The following FBXW7 variants were observed in gnomAD, a reference collection of about 807,000 sequenced individuals.
The protein encoded by FBXW7 is F-box/WD repeat-containing protein 7.
A neutral mutation model predicts 86.3 loss-of-function variants in FBXW7; 11 were observed. The ratio of observed to expected loss-of-function variants is 0.13; its 90% CI spans 0.08 to 0.21. The LOEUF (loss-of-function observed/expected upper bound fraction) is 0.21. Among genes scored for constraint, FBXW7 ranks in the 10% least tolerant of loss-of-function variants. FBXW7 has a pLI of 1.00. For synonymous variants in FBXW7, 313 were observed against 297.9 expected (o/e 1.05, Z -0.52); for missense variants, 488 against 847.4 (o/e 0.58, Z 5.27).
intron 2 of FBXW7, among the ~76,000 whole-genome samples, chr4:152,494,332 G>C (rs1210760417): frequency 1.3e-5 from 2 of 152,208 alleles, no homozygotes; most frequent in African/African-American, 4.8e-5. Flanking sequence ...TCTGTAGAAA[G>C]AGAAAGGGCA....
At chr4:152,330,984 A>C in intron 8 of FBXW7, 116 bp from the exon 9 acceptor site, 1 of 972,366 alleles carries the variant, frequency 1.0e-6, no homozygotes, top group Non-Finnish European at 1.5e-6. Context: ...AACCACTGAA[A>C]TGCAAGACAT....
At chr4:152,529,985 G>A (rs967162480) in intron 2 of FBXW7, among the ~76,000 whole-genome samples, 23 of 151,096 alleles carry the variant, frequency 1.5e-4, no homozygotes, top group Admixed American at 2.0e-4. Context: ...GAGCCCAGGA[G>A]GTGGAGGTTG....
At chr4:152,459,531 T>A (rs1334672444) in intron 2 of FBXW7, among the ~76,000 whole-genome samples, 1 of 151,688 alleles carries the variant, frequency 6.6e-6, no homozygotes, top group African/African-American at 2.4e-5. Flanking sequence ...CAATGGAGAG[T>A]CACATCACAG....
At chr4:152,355,875 G>A (rs991542355) in intron 4 of FBXW7, among the ~76,000 whole-genome samples, 3 of 152,090 alleles carry the variant, frequency 2.0e-5, no homozygotes, top group Non-Finnish European at 4.4e-5. Context: ...TCATTAACCC[G>A]TGAGCTCCTA....
intron 2 of FBXW7, among the ~76,000 whole-genome samples, chr4:152,457,536 T>G (rs1345663581): frequency 6.7e-6 from 1 of 148,186 alleles, no homozygotes; most frequent in Non-Finnish European, 1.5e-5. Flanking sequence ...CCCAGCTACT[T>G]GGGAGGCTGA....
At chr4:152,497,346 CACACACACACACA>C (rs1746462791) in intron 2 of FBXW7, among the ~76,000 whole-genome samples, 3 of 113,428 alleles carry the variant, frequency 2.6e-5, no homozygotes, top group Non-Finnish European at 5.3e-5. Flanking sequence ...AAAAAAACCA[CACACACACACACA>C]CACACACACA....
chr4:152,427,215 A>T (rs1012279895), intron 2 of FBXW7, among the ~76,000 whole-genome samples: 4 of 152,206 alleles, frequency 2.6e-5, no homozygotes, highest in African/African-American at 9.7e-5. Context: ...GTAAAGGAAG[A>T]ATTCTGTAAA....
chr4:152,332,809 T>G, intron 7 of FBXW7, 90 bp from the exon 8 acceptor site: 1 of 604,724 alleles, frequency 1.7e-6, no homozygotes. Flanking sequence ...GATGAGATAC[T>G]TGATAAATAT....
rs2126547532 is a variant in FBXW7 at position 152,332,596 on chromosome 4, C to A, written c.985G>T (p.Gly329Trp). ...TTCTCTATGCAATTTTGAACCTTAC[C>A]CTCTTCTTTGCATTTCTCTCTCCAG... ...LLWREKCKEE[G>W]IDEPLHIKRR... is the part of the protein sequence containing the mutation. Residue 329 changes from glycine (G) to tryptophan (W), a missense_variant and splice_region_variant, in exon 8 of 14, where the codon GGG becomes TGG. Physicochemically the swap from Gly to Trp is radical, Grantham distance 184. Around this residue, in one of 4 missense-constraint regions of FBXW7, gnomAD observed 57 missense variants for 62.8 expected, o/e 0.91. Coordinates refer to ENST00000281708, the MANE Select transcript of FBXW7 (RefSeq NM_001349798.2). 1.3e-6 allele frequency: 2 copies of A among 1,594,388 alleles called. No homozygotes were observed. Among genetic ancestry groups the A allele is most frequent in the South Asian group, 2.2e-5 (2 of 89,922 alleles).
intron 4 of FBXW7, among the ~76,000 whole-genome samples, chr4:152,398,693 C>T (rs1164570379): frequency 6.6e-6 from 1 of 152,026 alleles, no homozygotes; most frequent in Non-Finnish European, 1.5e-5. Context: ...TATTCTACTT[C>T]TGATCCATCC....
rs1748037993 is a variant in FBXW7, at chr4:152,512,118, T to C, written c.-120+22823A>G. On this transcript the variant is annotated intron_variant, in intron 2 of 13. Transcript: ENST00000281708. ...AAGGCAGAAAAAAATTTTGTTTTAC[T>C]ATACTGTTTCTTCTTTACTGATACT... Among the ~76,000 whole-genome samples the C allele has an allele frequency of 2.6e-5, 4 of 152,220 alleles. No individual in the cohort carries two copies. In the South Asian group the frequency reaches 6.2e-4, roughly 24 times the overall value.
chr4:152,446,805 T>C (rs1455377463), intron 2 of FBXW7, among the ~76,000 whole-genome samples: 1 of 152,186 alleles, frequency 6.6e-6, no homozygotes, highest in Non-Finnish European at 1.5e-5. Flanking sequence ...CAGTAAAACA[T>C]ATCCATGATT....
At position 152,460,170 on chromosome 4, in the gene FBXW7, C is replaced by G. The variant is rs900977; in HGVS notation, c.-119-47641G>C. Among the ~76,000 whole-genome samples, 993 of 152,062 alleles carry G rather than the reference C, an allele frequency of 6.5e-3. 43 individuals carry two copies. Among genetic ancestry groups the G allele is most frequent in the Admixed American group, 0.055 (846 of 15,284 alleles). ...ACCACATTTTTAAGTTTTTTAGAAACCTATTATACATTACTAAAATTAAAC... is the reference window on the plus strand; with the variant it reads ...ACCACATTTTTAAGTTTTTTAGAAAGCTATTATACATTACTAAAATTAAAC... On this transcript the variant is annotated intron_variant, in intron 2 of 13. Coordinates refer to ENST00000281708, the MANE Select transcript of FBXW7 (RefSeq NM_001349798.2).
intron 4 of FBXW7, chr4:152,382,222 G>T: frequency 6.4e-7 from 1 of 1,564,882 alleles, no homozygotes; most frequent in Non-Finnish European, 8.7e-7. Flanking sequence ...CTTGGGCAAT[G>T]ATGCTAATGC....
intron 2 of FBXW7, among the ~76,000 whole-genome samples, chr4:152,508,312 A>C (rs986169584): frequency 6.6e-6 from 1 of 152,176 alleles, no homozygotes; most frequent in South Asian, 2.1e-4. Flanking sequence ...ATAACAAGGG[A>C]AAGTTCTTCC....
In FBXW7 at chr4:152,325,957, C is replaced by A. The variant is rs534491967; in HGVS notation, c.1644+49G>T. The A allele has an allele frequency of 5.4e-6, 8 of 1,494,522 alleles. No homozygotes were observed. In the Admixed American group the frequency reaches 8.4e-5, roughly 16 times the overall value. The allele number at this position is 1,494,522 out of a possible 1,614,324, so 92.6% of individuals were successfully genotyped here. A position where few individuals can be genotyped will look rare whatever the true frequency, so the allele number is the denominator to read the frequency against. ...GACAGTGATTATCTGAGTAAAACAACCTTATGATTCATCAGGAGAGCATTT... is the reference window on the plus strand; with the variant it reads ...GACAGTGATTATCTGAGTAAAACAAACTTATGATTCATCAGGAGAGCATTT... On this transcript the variant is annotated intron_variant, in intron 12 of 13. Transcript: ENST00000281708.
chr4:152,375,231 T>C (rs1316687839), intron 4 of FBXW7, among the ~76,000 whole-genome samples: 1 of 152,092 alleles, frequency 6.6e-6, no homozygotes, highest in East Asian at 1.9e-4. Context: ...ACAGTAGAGA[T>C]TATTAATAGC....
chr4:152,484,657 A>T (rs1382159848), intron 2 of FBXW7, among the ~76,000 whole-genome samples: 2 of 152,200 alleles, frequency 1.3e-5, no homozygotes, highest in Non-Finnish European at 2.9e-5. Context: ...TCAGAACACA[A>T]CATTTATGCA....
At chr4:152,471,062 T>G in intron 2 of FBXW7, among the ~76,000 whole-genome samples, 1 of 152,006 alleles carries the variant, frequency 6.6e-6, no homozygotes. Flanking sequence ...GAAATTATAA[T>G]ATCACATATA....
Sources: gnomAD v4.1 joint callset for allele counts (sites outside exome capture counted in the v4.1 genomes callset) on GRCh38, gnomAD v4.1.1 for gene constraint, gnomAD v4.1.1 regional missense constraint, MANE v1.5 for transcripts, NCBI Gene and HGNC (gene_info 2026-07-23, HGNC 2026-07-21) for gene names.